Variants in SAMD12 observed in about 807,000 individuals in gnomAD.
SAMD12 encodes the protein sterile alpha motif domain-containing protein 12.
In SAMD12, 9 loss-of-function variants were observed where a neutral mutation model predicts 15.0. That is an observed-to-expected ratio of 0.60 (90% CI 0.36 to 1.05). SAMD12 has a LOEUF of 1.05. Among genes scored for constraint, SAMD12 ranks in the 50% least tolerant of loss-of-function variants. SAMD12 has a pLI of 0.01. For missense variants in SAMD12, 230 were observed against 234.2 expected (o/e 0.98, Z 0.12); for synonymous variants, 86 against 90.1 (o/e 0.96, Z 0.25).
the SAMD12 span, among the ~76,000 whole-genome samples, chr8:118,137,186 A>T: frequency 6.6e-6 from 1 of 152,204 alleles, no homozygotes; most frequent in Non-Finnish European, 1.5e-5. Flanking sequence ...CTCTATGCAA[A>T]TGAAGTAGTG....
intron 4 of SAMD12, among the ~76,000 whole-genome samples, chr8:118,248,165 A>G (rs1563714651): frequency 6.6e-6 from 1 of 152,154 alleles, no homozygotes; most frequent in Admixed American, 6.6e-5. Context: ...AAGACATGAA[A>G]TTCTTCCACT....
At chr8:118,560,854 T>C (rs1014316225) in intron 2 of SAMD12, among the ~76,000 whole-genome samples, 2 of 152,152 alleles carry the variant, frequency 1.3e-5, no homozygotes, top group South Asian at 2.1e-4. Context: ...GTTCTTAATA[T>C]AGAAAAATAA....
At chr8:118,346,431 A>G (rs1279713451) in intron 4 of SAMD12, among the ~76,000 whole-genome samples, 1 of 152,172 alleles carries the variant, frequency 6.6e-6, no homozygotes, top group African/African-American at 2.4e-5. Flanking sequence ...GCAGGAAGAA[A>G]GTGCTATTCC....
At chr8:118,322,244 T>C (rs1040630402) in intron 4 of SAMD12, among the ~76,000 whole-genome samples, 1 of 152,248 alleles carries the variant, frequency 6.6e-6, no homozygotes, top group African/African-American at 2.4e-5. Flanking sequence ...TCAGCATTCT[T>C]TGTCACAATT....
chr8:118,135,915 A>C, the SAMD12 span, among the ~76,000 whole-genome samples: 1 of 151,472 alleles, frequency 6.6e-6, no homozygotes, highest in African/African-American at 2.4e-5. Context: ...TCCTTTCCAC[A>C]TCTCCTTCCA....
downstream of SAMD12, among the ~76,000 whole-genome samples, chr8:118,374,249 T>G (rs1311456495): frequency 1.3e-5 from 2 of 152,178 alleles, no homozygotes; most frequent in African/African-American, 4.8e-5. Context: ...TTTGTCCTTT[T>G]GTGACTCGCT....
intron 3 of SAMD12, among the ~76,000 whole-genome samples, chr8:118,410,134 T>C (rs949755927): frequency 2.0e-5 from 3 of 152,230 alleles, no homozygotes; most frequent in Non-Finnish European, 4.4e-5. Context: ...AGGTTATTTA[T>C]TGATAAAGAG....
intron 4 of SAMD12, among the ~76,000 whole-genome samples, chr8:118,347,713 G>A (rs1234761477): frequency 1.3e-5 from 2 of 152,168 alleles, no homozygotes; most frequent in Non-Finnish European, 2.9e-5. Flanking sequence ...TACAATTTGT[G>A]AAATCCTGGA....
intron 4 of SAMD12, among the ~76,000 whole-genome samples, chr8:118,198,138 T>C (rs961895536): frequency 6.6e-6 from 1 of 152,026 alleles, no homozygotes; most frequent in Non-Finnish European, 1.5e-5. Flanking sequence ...GGGAGAGAGA[T>C]GGGGGTTTCA....
chr8:118,347,986 T>C (rs1332123404), intron 4 of SAMD12, among the ~76,000 whole-genome samples: 1 of 152,214 alleles, frequency 6.6e-6, no homozygotes, highest in Non-Finnish European at 1.5e-5. Flanking sequence ...AGCAAGCTCC[T>C]TAACCTTAGT....
chr8:118,320,456 T>C (rs1586517427), intron 4 of SAMD12, among the ~76,000 whole-genome samples: 1 of 152,288 alleles, frequency 6.6e-6, no homozygotes, highest in Middle Eastern at 3.4e-3. Context: ...GTTTTTATTT[T>C]CTTTTTTTGT....
downstream of SAMD12, among the ~76,000 whole-genome samples, chr8:118,377,727 C>A (rs1030892702): frequency 6.6e-6 from 1 of 152,116 alleles, no homozygotes; most frequent in Non-Finnish European, 1.5e-5. Context: ...AAACACACTG[C>A]AGGCTGACAT....
At chr8:118,164,034 G>A in the SAMD12 span, among the ~76,000 whole-genome samples, 1,591 of 152,268 alleles carry the variant, frequency 0.01, 28 homozygotes, top group African/African-American at 0.036. Flanking sequence ...TTTTGGCATA[G>A]GAAACAAATG....
At chr8:118,305,243 C>CT (rs894359238) in intron 4 of SAMD12, among the ~76,000 whole-genome samples, 1 of 146,370 alleles carries the variant, frequency 6.8e-6, no homozygotes, top group Non-Finnish European at 1.5e-5. Context: ...CTTTTCAGGA[C>CT]TTTTTTATCC....
intron 4 of SAMD12, among the ~76,000 whole-genome samples, chr8:118,327,141 A>AT (rs1181006818): frequency 6.6e-6 from 1 of 152,130 alleles, no homozygotes; most frequent in African/African-American, 2.4e-5. Flanking sequence ...AATGTGATTG[A>AT]TTTTTCAGGA....
At chr8:118,423,708 T>C (rs562753982) in intron 3 of SAMD12, among the ~76,000 whole-genome samples, 21 of 152,208 alleles carry the variant, frequency 1.4e-4, no homozygotes, top group Non-Finnish European at 2.5e-4. Flanking sequence ...GTTAAAATAC[T>C]GTTTTTGCCA....
chr8:118,449,905 C>G (rs1252301187), intron 2 of SAMD12, among the ~76,000 whole-genome samples: 3 of 151,666 alleles, frequency 2.0e-5, no homozygotes, highest in African/African-American at 7.3e-5. Context: ...AGGTATGTTT[C>G]TCTTTATTCA....
At chr8:118,274,135 T>C (rs893853134) in intron 4 of SAMD12, among the ~76,000 whole-genome samples, 1 of 152,282 alleles carries the variant, frequency 6.6e-6, no homozygotes, top group African/African-American at 2.4e-5. Flanking sequence ...GGGAAGAAAT[T>C]TGTAGATGAC....
chr8:118,307,030 G>A (rs940859096), intron 4 of SAMD12, among the ~76,000 whole-genome samples: 1 of 152,194 alleles, frequency 6.6e-6, no homozygotes, highest in African/African-American at 2.4e-5. Flanking sequence ...AAGCCTGAAT[G>A]TTAGGGAATT....
Sources: allele counts gnomAD v4.1 joint callset (sites outside exome capture counted in the v4.1 genomes callset), GRCh38; gene constraint gnomAD v4.1.1; transcripts MANE v1.5; gene names NCBI Gene and HGNC (gene_info 2026-07-23, HGNC 2026-07-21).